PPP4R1: variants seen among roughly 807,000 people sequenced by gnomAD.
PPP4R1 encodes the protein serine/threonine-protein phosphatase 4 regulatory subunit 1.
PPP4R1 carries 42 observed loss-of-function variants against 111.2 expected under a neutral mutation model. The ratio of observed to expected loss-of-function variants is 0.38; its 90% CI spans 0.29 to 0.49. The LOEUF is 0.49. Ranked by LOEUF, PPP4R1 falls within the 20% of genes least tolerant of loss-of-function variation. PPP4R1 has a pLI of 0.97. For missense variants in PPP4R1, 1,012 were observed against 1,161.6 expected (o/e 0.87, Z 1.87); for synonymous variants, 409 against 405.5 (o/e 1.01, Z -0.10).
chr18:9,577,255 T>C (rs1277788947), intron 9 of PPP4R1, 64 bp from the exon 10 acceptor site: 2 of 1,435,322 alleles, frequency 1.4e-6, no homozygotes, highest in Non-Finnish European at 1.9e-6. Flanking sequence ...TACGCACACA[T>C]TATGTATATT....
chr18:9,573,199 G>A (rs1396551320), intron 10 of PPP4R1, among the ~76,000 whole-genome samples: 1 of 152,048 alleles, frequency 6.6e-6, no homozygotes, highest in African/African-American at 2.4e-5. Context: ...AACATTAGTG[G>A]GCCAATTGGT....
intron 2 of PPP4R1, among the ~76,000 whole-genome samples, chr18:9,603,685 A>G (rs1260454191): frequency 6.6e-6 from 1 of 152,030 alleles, no homozygotes; most frequent in Non-Finnish European, 1.5e-5. Context: ...CTGCTGGTCT[A>G]TGTTGCCAGG....
intron 9 of PPP4R1, among the ~76,000 whole-genome samples, chr18:9,582,014 C>T (rs528847088): frequency 9.2e-5 from 14 of 152,024 alleles, no homozygotes; most frequent in South Asian, 4.2e-4. Flanking sequence ...ATTTGTTGTT[C>T]GCAGAACCAC....
chr18:9,614,646 C>T (rs1426436948), upstream of PPP4R1: 1 of 179,824 alleles, frequency 5.6e-6, no homozygotes, highest in Non-Finnish European at 1.0e-5. The surrounding 1 kb of genome is among the most constrained non-coding windows in gnomAD (Gnocchi z 4.1). Flanking sequence ...CCGGGCCTGC[C>T]GCGGGCGGCG....
intron 10 of PPP4R1, among the ~76,000 whole-genome samples, chr18:9,575,987 A>C (rs2066929950): frequency 6.6e-6 from 1 of 152,210 alleles, no homozygotes; most frequent in African/African-American, 2.4e-5. Context: ...CTTTTGTCAA[A>C]GTCCTGGCAG....
intron 11 of PPP4R1, among the ~76,000 whole-genome samples, chr18:9,564,817 C>T (rs2066739968): frequency 7.3e-6 from 1 of 137,854 alleles, no homozygotes; most frequent in Non-Finnish European, 1.6e-5. Context: ...AGATACTACA[C>T]TTTGGCTTTT....
intron 2 of PPP4R1, among the ~76,000 whole-genome samples, chr18:9,598,844 G>C (rs1245655407): frequency 7.4e-6 from 1 of 134,624 alleles, no homozygotes; most frequent in Non-Finnish European, 1.6e-5. Context: ...GGGCAATATA[G>C]TAAAACCTTG....
chr18:9,555,993 C>CAA (rs372094910), intron 15 of PPP4R1, among the ~76,000 whole-genome samples: 209 of 120,822 alleles, frequency 1.7e-3, no homozygotes, highest in Middle Eastern at 4.7e-3. Flanking sequence ...AACAAACAAA[C>CAA]AAACAAAAAA....
At chr18:9,552,131 G>T (rs760366290) in intron 16 of PPP4R1, among the ~76,000 whole-genome samples, 1 of 152,160 alleles carries the variant, frequency 6.6e-6, no homozygotes, top group African/African-American at 2.4e-5. Flanking sequence ...ACTCAGCAAA[G>T]ACATCATTTG....
intron 10 of PPP4R1, among the ~76,000 whole-genome samples, chr18:9,576,287 T>G (rs947561125): frequency 5.3e-5 from 8 of 152,200 alleles, no homozygotes; most frequent in Non-Finnish European, 8.8e-5. Context: ...TAGCAGGGAC[T>G]GTTTCAAATA....
intron 9 of PPP4R1, 26 bp downstream of exon 9, chr18:9,583,091 T>C: frequency 6.4e-7 from 1 of 1,562,794 alleles, no homozygotes; most frequent in Non-Finnish European, 8.7e-7. Context: ...TGTATTATTT[T>C]ACAAAAGTGA....
Position 9,547,915 on chromosome 18 carries a change from A to G in PPP4R1, c.2727T>C (p.Ala909=). ...FLASASCHQE[A]VEQTIMALQM... ...GAAGAGCCATGATGGTCTGCTCCACAGCCTCCTGGTGGCAGCTGGCAGAGG... is the reference window on the plus strand; with the variant it reads ...GAAGAGCCATGATGGTCTGCTCCACGGCCTCCTGGTGGCAGCTGGCAGAGG... Residue 909 remains alanine (A), a synonymous_variant, in exon 20 of 20, where the codon GCT becomes GCC. Coordinates refer to ENST00000400556, the MANE Select transcript of PPP4R1 (RefSeq NM_001042388.3). 6.2e-7 allele frequency: 1 copy of G among 1,614,054 alleles called. No individual in the cohort carries two copies. The highest frequency in any genetic ancestry group is 1.1e-5 in the South Asian group (1 of 91,082).
At chr18:9,572,876 T>C (rs576776118) in intron 10 of PPP4R1, among the ~76,000 whole-genome samples, 2 of 152,364 alleles carry the variant, frequency 1.3e-5, no homozygotes, top group South Asian at 4.1e-4. Flanking sequence ...CTACAAAATA[T>C]ACAGTATGCA....
chr18:9,608,683 C>G (rs542046970), intron 2 of PPP4R1, among the ~76,000 whole-genome samples: 7 of 152,332 alleles, frequency 4.6e-5, no homozygotes, highest in East Asian at 1.9e-4. Context: ...TAGGTTTATT[C>G]TCAGCTCCAA....
intron 9 of PPP4R1, among the ~76,000 whole-genome samples, chr18:9,578,514 T>C (rs2066974493): frequency 6.6e-6 from 1 of 151,184 alleles, no homozygotes; most frequent in Non-Finnish European, 1.5e-5. Flanking sequence ...GTTAGGATTA[T>C]AGGTGTGAGT....
chr18:9,572,421 A>C (rs186156704), intron 10 of PPP4R1, among the ~76,000 whole-genome samples: 6 of 152,374 alleles, frequency 3.9e-5, no homozygotes, highest in Non-Finnish European at 8.8e-5. Flanking sequence ...CTGATAAAGC[A>C]ATGTCTTTCT....
Position 9,584,569 on chromosome 18 carries a change from G to A in PPP4R1, c.705C>T (p.Ala235=). Residue 235 remains alanine, a synonymous_variant, in exon 8 of 20, where the codon GCC becomes GCT. Coordinates refer to ENST00000400556, the MANE Select transcript of PPP4R1 (RefSeq NM_001042388.3). Reference sequence around the variant, plus strand: ...CTACACTGCAAATATCTCCAAAATTGGCAGCACAGACCTGACAACAAAAGC... The same window carrying A: ...CTACACTGCAAATATCTCCAAAATTAGCAGCACAGACCTGACAACAAAAGC... The part of the protein sequence containing the change: ...RMFHVRKVCA[A]NFGDICSVVG... 6.2e-7 allele frequency: 1 copy of A among 1,612,662 alleles called. No homozygotes were observed. Among genetic ancestry groups the A allele is most frequent in the Non-Finnish European group, 8.5e-7 (1 of 1,179,468 alleles).
At chr18:9,557,489 A>C in intron 14 of PPP4R1, 107 bp from the exon 15 acceptor site, 1 of 1,009,478 alleles carries the variant, frequency 9.9e-7, no homozygotes, top group Non-Finnish European at 1.4e-6. Flanking sequence ...CTAACCTCAA[A>C]AAATTAAATC....
intron 10 of PPP4R1, among the ~76,000 whole-genome samples, chr18:9,572,675 T>TA (rs1392835475): frequency 1.3e-5 from 2 of 152,222 alleles, no homozygotes; most frequent in African/African-American, 4.8e-5. Context: ...AGCTCCCACT[T>TA]AAACAGTCAC....
Sources: gnomAD v4.1 joint callset for allele counts (sites outside exome capture counted in the v4.1 genomes callset) on GRCh38, gnomAD v4.1.1 for gene constraint, Gnocchi (gnomAD v3.1) non-coding constraint, MANE v1.5 for transcripts, NCBI Gene and HGNC (gene_info 2026-07-23, HGNC 2026-07-21) for gene names.